The following TENM4 variants were observed in gnomAD, a reference collection of about 807,000 sequenced individuals.
TENM4 encodes the protein teneurin-4.
A neutral mutation model predicts 243.3 loss-of-function variants in TENM4; 82 were observed. The observed-to-expected ratio is 0.34, with a 90% CI of 0.28 to 0.40. The LOEUF (loss-of-function observed/expected upper bound fraction) is 0.40, where lower values mean the gene tolerates loss of function less well. TENM4 is among the 10% of genes least tolerant of loss of function. The pLI is 1.00. For missense variants in TENM4, 3,138 were observed against 3,673.3 expected (o/e 0.85, Z 3.77); for synonymous variants, 1,412 against 1,456.3 (o/e 0.97, Z 0.69).
At chr11:79,393,262 C>T (rs1178745476) in intron 1 of TENM4, among the ~76,000 whole-genome samples, 1 of 152,024 alleles carries the variant, frequency 6.6e-6, no homozygotes, top group Non-Finnish European at 1.5e-5. Context: ...GAAGAGGCTC[C>T]GAGATCAAGA....
chr11:78,907,125 G>A (rs1856080413), intron 6 of TENM4, among the ~76,000 whole-genome samples: 1 of 152,068 alleles, frequency 6.6e-6, no homozygotes, highest in Non-Finnish European at 1.5e-5. Context: ...ATGTTTCCTG[G>A]GTTCCCAAAG....
At chr11:78,717,901 A>G (rs1278840049) in intron 25 of TENM4, among the ~76,000 whole-genome samples, 3 of 152,180 alleles carry the variant, frequency 2.0e-5, no homozygotes, top group Non-Finnish European at 4.4e-5. Context: ...GACGAGGCAA[A>G]GATGCTTATT....
intron 4 of TENM4, among the ~76,000 whole-genome samples, chr11:79,128,775 G>T (rs1861933595): frequency 6.6e-6 from 1 of 152,208 alleles, no homozygotes. Flanking sequence ...AAGGAGAAAT[G>T]ACCAGATGTG....
chr11:79,368,851 A>G (rs992737674), intron 1 of TENM4, among the ~76,000 whole-genome samples: 1 of 152,244 alleles, frequency 6.6e-6, no homozygotes, highest in Non-Finnish European at 1.5e-5. Flanking sequence ...ATTTCTCCAC[A>G]TAACAACAGC....
intron 4 of TENM4, among the ~76,000 whole-genome samples, chr11:79,080,694 G>A (rs1312899172): frequency 1.3e-5 from 2 of 152,212 alleles, no homozygotes; most frequent in Non-Finnish European, 2.9e-5. Flanking sequence ...CTGGCTGTTA[G>A]GACTCTGAGT....
At chr11:78,707,807 C>T (rs942126319) in intron 27 of TENM4, among the ~76,000 whole-genome samples, 1 of 152,190 alleles carries the variant, frequency 6.6e-6, no homozygotes. Flanking sequence ...GGTAATCCTA[C>T]TGGGCCGATG....
At chr11:78,749,876 G>T (rs1856142706) in intron 19 of TENM4, among the ~76,000 whole-genome samples, 1 of 152,060 alleles carries the variant, frequency 6.6e-6, no homozygotes, top group African/African-American at 2.4e-5. Context: ...CTCAGTTCCT[G>T]CCCCTAACCC....
chr11:79,403,256 A>T (rs1858499285), intron 1 of TENM4, among the ~76,000 whole-genome samples: 1 of 152,252 alleles, frequency 6.6e-6, no homozygotes, highest in South Asian at 2.1e-4. Flanking sequence ...GGTTGTCGCC[A>T]TGACTAAATG....
chr11:79,192,691 T>C (rs904584122), intron 3 of TENM4, among the ~76,000 whole-genome samples: 16 of 151,660 alleles, frequency 1.1e-4, no homozygotes, highest in Non-Finnish European at 1.8e-4. Context: ...CCTCCACTAG[T>C]GTCCTATGAC....
chr11:78,796,133 G>A (rs1857155265), intron 15 of TENM4, among the ~76,000 whole-genome samples: 1 of 152,040 alleles, frequency 6.6e-6, no homozygotes, highest in African/African-American at 2.4e-5. Flanking sequence ...TGCAGAGCAG[G>A]TCTCCACATC....
chr11:78,738,437 A>T lies in TENM4; in HGVS notation c.2876+14T>A, dbSNP rs1394693853. On this transcript the variant is annotated intron_variant, in intron 20 of 33. Coordinates refer to ENST00000278550, the MANE Select transcript of TENM4 (RefSeq NM_001098816.3). ...GGGACCTTCACTGTTTCTGGCTCAT[A>T]GAAGGTCTCCTACCTGCCATCTTGC... 6.2e-7 allele frequency: 1 copy of T among 1,612,026 alleles called. No homozygotes were observed. The highest frequency in any genetic ancestry group is 2.2e-5 in the East Asian group (1 of 44,804).
intron 6 of TENM4, among the ~76,000 whole-genome samples, chr11:79,025,260 G>GGAATGAAT (rs67342343): frequency 0.03 from 4,535 of 150,996 alleles, 191 homozygotes; most frequent in African/African-American, 0.1. Flanking sequence ...GCATAACACT[G>GGAATGAAT]GAATGAATGA....
At chr11:78,854,025 G>T in intron 12 of TENM4, 79 bp downstream of exon 12, 1 of 1,369,662 alleles carries the variant, frequency 7.3e-7, no homozygotes, top group Non-Finnish European at 1.0e-6. Flanking sequence ...CCTTGTCAGT[G>T]TCAGTCCCAG....
At chr11:79,403,462 C>T (rs1469120689) in intron 1 of TENM4, among the ~76,000 whole-genome samples, 1 of 152,188 alleles carries the variant, frequency 6.6e-6, no homozygotes, top group Admixed American at 6.5e-5. Context: ...GATGAAGAAA[C>T]TGAGGCTTAC....
In TENM4 at chr11:78,942,544, C is replaced by T. The variant is rs559792644; in HGVS notation, c.494-39021G>A. Among the ~76,000 whole-genome samples the T allele has an allele frequency of 5.9e-5, 9 of 152,048 alleles. 1 individual carries two copies. Among genetic ancestry groups the T allele is most frequent in the African/African-American group, 1.2e-4 (5 of 41,420 alleles). On this transcript the variant is annotated intron_variant, in intron 6 of 33. Transcript: ENST00000278550. ...TTCAAAAGCCGTCCGGGGCTGCAGG[C>T]GGCCTGTGGGCCAAGGGTTGGACAA...
chr11:79,151,839 T>A (rs772083365), intron 3 of TENM4, among the ~76,000 whole-genome samples: 8 of 152,100 alleles, frequency 5.3e-5, no homozygotes, highest in Non-Finnish European at 7.4e-5. Flanking sequence ...CAAAAAGCAC[T>A]TCAACATTTT....
At chr11:78,824,239 G>A (rs960540871) in intron 12 of TENM4, among the ~76,000 whole-genome samples, 1 of 152,198 alleles carries the variant, frequency 6.6e-6, no homozygotes, top group Non-Finnish European at 1.5e-5. Context: ...GGCTGTACAG[G>A]AAGCATAACA....
rs922089372 is a variant in TENM4 at position 79,348,000 on chromosome 11, C to G, written c.-320-50457G>C. On this transcript the variant is annotated intron_variant, in intron 1 of 33. Coordinates refer to ENST00000278550, the MANE Select transcript of TENM4 (RefSeq NM_001098816.3). ...TTCACCTTGTTAGCCAGGATGGTCT[C>G]GATCTCCGGACCTCATGATCCACCC... Among the ~76,000 whole-genome samples the G allele has an allele frequency of 2.0e-5, 3 of 151,660 alleles. No homozygotes were observed. The East Asian group carries it at 5.8e-4, about 29-fold the overall frequency.
At chr11:78,686,244 C>T (rs187318577) in intron 29 of TENM4, among the ~76,000 whole-genome samples, 1 of 152,252 alleles carries the variant, frequency 6.6e-6, no homozygotes, top group East Asian at 1.9e-4. Flanking sequence ...CCCAAGAAGA[C>T]AGAGTTTGGG....
Sources: gnomAD v4.1 joint callset for allele counts (sites outside exome capture counted in the v4.1 genomes callset) on GRCh38, gnomAD v4.1.1 for gene constraint, MANE v1.5 for transcripts, NCBI Gene and HGNC (gene_info 2026-07-23, HGNC 2026-07-21) for gene names.